Variants in VIPR2 observed in about 807,000 individuals in gnomAD.
VIPR2 encodes the protein vasoactive intestinal peptide receptor 2.
VIPR2 carries 48 observed loss-of-function variants against 58.0 expected under a neutral mutation model. That is an observed-to-expected ratio of 0.83 (90% CI 0.66 to 1.05). The LOEUF is 1.05. VIPR2 is among the 50% of genes least tolerant of loss of function. The probability of loss-of-function intolerance (pLI) is 0.00; values close to 1 mark genes in which losing one functional copy is unlikely to be tolerated. For missense variants in VIPR2, 534 were observed against 558.0 expected (o/e 0.96, Z 0.43); for synonymous variants, 243 against 235.2 (o/e 1.03, Z -0.30).
rs187543419 is a variant in VIPR2, at chr7:159,140,649, G to A, written c.151+1797C>T. Among the ~76,000 whole-genome samples the A allele has an allele frequency of 8.5e-5, 13 of 152,368 alleles. No individual in the cohort carries two copies. In the South Asian group the frequency reaches 2.3e-3, roughly 27 times the overall value. The stretch of plus-strand genomic sequence containing the variant: ...GACACCTTGTCGCTGCAAGAAAGCC[G>A]AGTGACAAGTTTCCCAACCAACGCT... On this transcript the variant is annotated intron_variant, in intron 2 of 12. Coordinates refer to ENST00000262178, the MANE Select transcript of VIPR2 (RefSeq NM_003382.5).
intron 3 of VIPR2, 79 bp downstream of exon 3, chr7:159,109,733 C>T: frequency 7.4e-7 from 1 of 1,351,190 alleles, no homozygotes; most frequent in Non-Finnish European, 1.1e-6. Context: ...AGTGATGTTC[C>T]TGCTTCTTGG....
rs1415398932 is a variant in VIPR2 at position 159,098,235 on chromosome 7, C to T, written c.357+5522G>A. 1.3e-5 allele frequency among the ~76,000 whole-genome samples: 2 copies of T among 152,210 alleles called. No individual in the cohort carries two copies. Among genetic ancestry groups the T allele is most frequent in the Non-Finnish European group, 2.9e-5 (2 of 68,024 alleles). On this transcript the variant is annotated intron_variant, in intron 4 of 12. Coordinates refer to ENST00000262178, the MANE Select transcript of VIPR2 (RefSeq NM_003382.5). The surrounding 1 kb of genome is among the most constrained non-coding windows in gnomAD (Gnocchi z 5.2). Reference sequence around the variant, plus strand: ...GGCCGGGTGGTCGGGCCCCAGCACACGGCTCGGGGAGCCTCCCACACTTGG... The same window carrying T: ...GGCCGGGTGGTCGGGCCCCAGCACATGGCTCGGGGAGCCTCCCACACTTGG...
Position 159,103,782 on chromosome 7 carries a change from T to A in VIPR2, c.332A>T (p.Tyr111Phe), listed in dbSNP as rs201256663. 1.2e-4 allele frequency: 192 copies of A among 1,614,040 alleles called. No individual in the cohort carries two copies. Among genetic ancestry groups the A allele is most frequent in the Non-Finnish European group, 6.8e-6 (8 of 1,180,024 alleles). ...TFPDFVDACG[Y>F]SDPEDESKIT... ...CTTGCTCTCATCCTCCGGGTCGCTG[T>A]AGCCACAGGCATCGACGAAATCTGG... Residue 111 changes from tyrosine to phenylalanine, a missense_variant, in exon 4 of 13, where the codon TAC becomes TTC. By Grantham distance (22) the Tyr-to-Phe change is conservative. Around this residue, in one of 3 missense-constraint regions of VIPR2, gnomAD observed 224 missense variants for 255.7 expected, o/e 0.88. Coordinates refer to ENST00000262178, the MANE Select transcript of VIPR2 (RefSeq NM_003382.5).
intron 2 of VIPR2, among the ~76,000 whole-genome samples, chr7:159,117,856 T>A (rs1166014340): frequency 2.0e-5 from 3 of 151,978 alleles, no homozygotes; most frequent in Non-Finnish European, 4.4e-5. Context: ...AACCAGCGAG[T>A]GGGAAAAGGA....
In VIPR2 at chr7:159,110,243, C is replaced by T. The variant is rs992430561; in HGVS notation, c.152-324G>A. ...ACTGGGTATTAGTGTAAGGCCCCGT[C>T]GGGGAGGGAGACGCCCAGGGAAAGT... On this transcript the variant is annotated intron_variant, in intron 2 of 12. Transcript: ENST00000262178. 1.1e-4 allele frequency among the ~76,000 whole-genome samples: 16 copies of T among 152,278 alleles called. 1 individual carries two copies. Among genetic ancestry groups the T allele is most frequent in the Admixed American group, 2.6e-4 (4 of 15,298 alleles).
intron 3 of VIPR2, among the ~76,000 whole-genome samples, chr7:159,107,861 A>T (rs905404557): frequency 6.6e-6 from 1 of 152,186 alleles, no homozygotes; most frequent in Non-Finnish European, 1.5e-5. Flanking sequence ...GGTCACTGTG[A>T]TGATGCACAG....
chr7:159,066,296 C>T (rs541832257), intron 4 of VIPR2, among the ~76,000 whole-genome samples: 43 of 152,110 alleles, frequency 2.8e-4, no homozygotes, highest in Admixed American at 5.2e-4. Flanking sequence ...GATGCCTGCT[C>T]CCGCGGCGTC....
intron 2 of VIPR2, among the ~76,000 whole-genome samples, chr7:159,140,708 C>G (rs1797429489): frequency 6.6e-6 from 1 of 152,224 alleles, no homozygotes; most frequent in Admixed American, 6.5e-5. Context: ...GCATATGAAC[C>G]CGCTCAAGCT....
intron 4 of VIPR2, chr7:159,059,427 A>G (rs1585383634): frequency 2.2e-6 from 1 of 447,710 alleles, no homozygotes; most frequent in Non-Finnish European, 4.6e-6. Context: ...AAGAGGCCCT[A>G]AGTCCGTATA....
chr7:159,137,387 T>A (rs1227376213), intron 2 of VIPR2, among the ~76,000 whole-genome samples: 1 of 151,962 alleles, frequency 6.6e-6, no homozygotes. Context: ...TAAAAAAAAA[T>A]AGAGACAGCT....
chr7:159,039,867 G>A (rs139265416), intron 6 of VIPR2, among the ~76,000 whole-genome samples: 3 of 152,160 alleles, frequency 2.0e-5, no homozygotes, highest in East Asian at 3.9e-4. Context: ...TGCCTGCAGC[G>A]GCAAAAGAGA....
At chr7:159,050,354 C>CAAAAAAAAAAA (rs11302236) in intron 5 of VIPR2, among the ~76,000 whole-genome samples, 2 of 139,172 alleles carry the variant, frequency 1.4e-5, no homozygotes, top group African/African-American at 5.4e-5. Context: ...CACAAAAAAA[C>CAAAAAAAAAAA]AAAAAAAAAA....
chr7:159,138,153 G>A (rs1797306868), intron 2 of VIPR2, among the ~76,000 whole-genome samples: 1 of 152,210 alleles, frequency 6.6e-6, no homozygotes, highest in African/African-American at 2.4e-5. Context: ...CGAGACCACA[G>A]AGCGAGGTGG....
intron 4 of VIPR2, among the ~76,000 whole-genome samples, chr7:159,060,621 C>T (rs574469126): frequency 5.5e-4 from 84 of 152,180 alleles, no homozygotes; most frequent in African/African-American, 1.9e-3. Flanking sequence ...CCAACACATA[C>T]TCCCTTCACT....
intron 2 of VIPR2, among the ~76,000 whole-genome samples, chr7:159,113,319 G>A (rs975100515): frequency 6.6e-6 from 1 of 152,190 alleles, no homozygotes; most frequent in African/African-American, 2.4e-5. Flanking sequence ...GACCACCCGT[G>A]CATGCAGCCC....
intron 3 of VIPR2, 130 bp from the exon 4 acceptor site, chr7:159,103,984 ACTGCCACTC>A: frequency 1.3e-6 from 1 of 756,846 alleles, no homozygotes; most frequent in Admixed American, 2.3e-5. Context: ...AGGAGACAGG[ACTGCCACTC>A]AAAAAACCTT....
chr7:159,133,845 A>C (rs1309805338), intron 2 of VIPR2, among the ~76,000 whole-genome samples: 2 of 152,250 alleles, frequency 1.3e-5, no homozygotes, highest in Non-Finnish European at 2.9e-5. Flanking sequence ...ATCTAACTTG[A>C]GTAATCTTTA....
At chr7:159,138,723 G>A (rs142740276) in intron 2 of VIPR2, among the ~76,000 whole-genome samples, 66 of 152,358 alleles carry the variant, frequency 4.3e-4, no homozygotes, top group African/African-American at 1.5e-3. Context: ...GTCTACCCAC[G>A]TGTGGACGTG....
chr7:159,057,709 T>C (rs1301849292), intron 5 of VIPR2, among the ~76,000 whole-genome samples: 3 of 152,210 alleles, frequency 2.0e-5, no homozygotes, highest in South Asian at 2.1e-4. Context: ...ACAGATTTAA[T>C]CCTAATTCAC....
Sources: gnomAD v4.1 joint callset for allele counts (sites outside exome capture counted in the v4.1 genomes callset) on GRCh38, gnomAD v4.1.1 for gene constraint, gnomAD v4.1.1 regional missense constraint, Gnocchi (gnomAD v3.1) non-coding constraint, MANE v1.5 for transcripts, NCBI Gene and HGNC (gene_info 2026-07-23, HGNC 2026-07-21) for gene names.